The following KCNH5 variants were observed in gnomAD, a reference collection of about 807,000 sequenced individuals.
KCNH5 encodes potassium voltage-gated channel subfamily H member 5.
A neutral mutation model predicts 96.1 loss-of-function variants in KCNH5; 46 were observed. The observed-to-expected ratio is 0.48, with a 90% CI of 0.38 to 0.61. The LOEUF (loss-of-function observed/expected upper bound fraction) is 0.61, where lower values mean the gene tolerates loss of function less well. Ranked by LOEUF, KCNH5 falls within the 20% of genes least tolerant of loss-of-function variation. The pLI is 0.00. For synonymous variants in KCNH5, 439 were observed against 449.8 expected, an observed-to-expected ratio of 0.98 and a Z score of 0.30; for missense variants, 907 against 1,225.8, an observed-to-expected ratio of 0.74 and a Z score of 3.88.
chr14:62,993,128 A>G (rs1267382322), intron 4 of KCNH5, among the ~76,000 whole-genome samples: 2 of 151,930 alleles, frequency 1.3e-5, no homozygotes, highest in African/African-American at 4.8e-5. Context: ...GTCTGTAAAT[A>G]TGTGGCTTTA....
chr14:62,932,044 CA>C (rs971669798), intron 7 of KCNH5, among the ~76,000 whole-genome samples: 7 of 152,028 alleles, frequency 4.6e-5, no homozygotes, highest in African/African-American at 1.7e-4. Flanking sequence ...GAAATGACCC[CA>C]AAATACTGGT....
At chr14:62,793,182 G>C (rs1886469116) in intron 9 of KCNH5, among the ~76,000 whole-genome samples, 1 of 151,730 alleles carries the variant, frequency 6.6e-6, no homozygotes, top group South Asian at 2.1e-4. Flanking sequence ...TGGGTATACA[G>C]TTTCAGTTAT....
At chr14:62,940,779 C>A (rs1002145847) in intron 7 of KCNH5, among the ~76,000 whole-genome samples, 16 of 152,200 alleles carry the variant, frequency 1.1e-4, no homozygotes, top group African/African-American at 3.9e-4. Flanking sequence ...TGGGCTCCCT[C>A]AGGCTGAACT....
chr14:62,960,709 C>T (rs1177903270), intron 6 of KCNH5, among the ~76,000 whole-genome samples: 1 of 152,096 alleles, frequency 6.6e-6, no homozygotes, highest in African/African-American at 2.4e-5. Context: ...GTTATCTGAA[C>T]CTCTAACCCA....
At position 62,869,970 on chromosome 14, in the gene KCNH5, G is replaced by A. The variant is rs117280357; in HGVS notation, c.1370-20118C>T. Among the ~76,000 whole-genome samples the A allele has an allele frequency of 3.4e-4, 51 of 151,822 alleles. 1 individual carries two copies. In the East Asian group the frequency reaches 9.2e-3, roughly 28 times the overall value. On this transcript the variant is annotated intron_variant, in intron 7 of 10. Coordinates refer to ENST00000322893, the MANE Select transcript of KCNH5 (RefSeq NM_139318.5). ...CTCAAGATTAATTGAAGATTTAAAC[G>A]TAATGTCATTACTTTTAATGGCAAA...
intron 7 of KCNH5, among the ~76,000 whole-genome samples, chr14:62,916,161 C>G (rs781368820): frequency 7.2e-5 from 11 of 151,924 alleles, no homozygotes; most frequent in Non-Finnish European, 1.3e-4. Context: ...ACCGTGTTAG[C>G]CAGGATGGGC....
At chr14:62,842,480 A>C (rs1250918797) in intron 8 of KCNH5, among the ~76,000 whole-genome samples, 2 of 152,260 alleles carry the variant, frequency 1.3e-5, no homozygotes, top group African/African-American at 2.4e-5. Flanking sequence ...ACAATAGTTA[A>C]GTTCTCTGAT....
chr14:62,963,100 G>A (rs1271556), intron 6 of KCNH5, among the ~76,000 whole-genome samples: 38,940 of 151,912 alleles, frequency 0.26, 5,297 homozygotes, highest in Non-Finnish European at 0.29. Context: ...TCACATCATC[G>A]TAAGAAAAAG....
chr14:62,895,318 T>A (rs1433549588), intron 7 of KCNH5, among the ~76,000 whole-genome samples: 1 of 151,884 alleles, frequency 6.6e-6, no homozygotes, highest in African/African-American at 2.4e-5. Context: ...CAATAATAAT[T>A]CATTCAGCAT....
chr14:62,963,116 G>A (rs1404475877), intron 6 of KCNH5, among the ~76,000 whole-genome samples: 2 of 152,078 alleles, frequency 1.3e-5, no homozygotes, highest in African/African-American at 4.8e-5. Flanking sequence ...AAAAGGGTGA[G>A]TATAGTAACA....
chr14:62,703,774 T>G lies in KCNH5; in HGVS notation c.*3734A>C, dbSNP rs1199715627. ...ATTTGAAAGTTATCCATGTATGATA[T>G]GCACATTCTAGATAAATGTTCTCAT... On this transcript the variant is annotated 3_prime_UTR_variant, in exon 11 of 11. Coordinates refer to ENST00000322893, the MANE Select transcript of KCNH5 (RefSeq NM_139318.5). The G allele has an allele frequency of 1.3e-5, 2 of 151,950 alleles. No individual in the cohort carries two copies. The highest frequency in any genetic ancestry group is 4.8e-5 in the African/African-American group (2 of 41,444). The allele number at this position is 151,950 out of a possible 1,614,324, so 9.4% of individuals were successfully genotyped here.
At chr14:62,800,902 A>G (rs1886646586) in intron 9 of KCNH5, among the ~76,000 whole-genome samples, 1 of 152,080 alleles carries the variant, frequency 6.6e-6, no homozygotes, top group South Asian at 2.1e-4. Flanking sequence ...ACATACCCAG[A>G]ATGTTGACTC....
intron 7 of KCNH5, among the ~76,000 whole-genome samples, chr14:62,887,436 T>C (rs1009021662): frequency 1.3e-5 from 2 of 152,044 alleles, no homozygotes; most frequent in African/African-American, 4.8e-5. Flanking sequence ...TTTCCAGAAG[T>C]ATAAGAAAAA....
intron 1 of KCNH5, among the ~76,000 whole-genome samples, chr14:63,032,953 G>A (rs1164623620): frequency 6.6e-6 from 1 of 151,984 alleles, no homozygotes; most frequent in Non-Finnish European, 1.5e-5. Flanking sequence ...AAATGCTTGG[G>A]CCAAAACCTT....
intron 8 of KCNH5, among the ~76,000 whole-genome samples, chr14:62,833,424 C>A (rs1383714283): frequency 6.6e-6 from 1 of 151,974 alleles, no homozygotes; most frequent in Non-Finnish European, 1.5e-5. Context: ...ACTACTGAAG[C>A]TTTTGTCAAC....
At chr14:63,019,138 T>C (rs1439368781) in intron 1 of KCNH5, among the ~76,000 whole-genome samples, 1 of 151,732 alleles carries the variant, frequency 6.6e-6, no homozygotes, top group African/African-American at 2.4e-5. Context: ...TATTGGACGA[T>C]ATGATAGCTA....
chr14:62,700,756 T>C lies in KCNH5; in HGVS notation c.*6752A>G, dbSNP rs1455154857. ...TATTCTTCCTGTTTGCAGTCTTGGC[T>C]TCATCAGGAATCTTTCCCGCTATAA... On this transcript the variant is annotated 3_prime_UTR_variant, in exon 11 of 11. Transcript: ENST00000322893. The C allele has an allele frequency of 6.6e-6, 1 of 152,158 alleles. No individual in the cohort carries two copies. The highest frequency in any genetic ancestry group is 2.4e-5 in the African/African-American group (1 of 41,458). 9.4% of individuals were successfully genotyped at this position (152,158 alleles called of 1,614,324 possible).
At chr14:62,789,726 T>C (rs973384639) in intron 9 of KCNH5, among the ~76,000 whole-genome samples, 15 of 151,978 alleles carry the variant, frequency 9.9e-5, no homozygotes, top group Admixed American at 2.6e-4. Flanking sequence ...TTTTATGTTT[T>C]ATTTGGAGAA....
At chr14:62,709,344 G>T (rs1272608396) in intron 10 of KCNH5, among the ~76,000 whole-genome samples, 1 of 151,936 alleles carries the variant, frequency 6.6e-6, no homozygotes, top group Non-Finnish European at 1.5e-5. Context: ...ATGGCATCTG[G>T]GTTGGGTGAG....
Sources: gnomAD v4.1 joint callset for allele counts (sites outside exome capture counted in the v4.1 genomes callset) on GRCh38, gnomAD v4.1.1 for gene constraint, MANE v1.5 for transcripts, NCBI Gene and HGNC (gene_info 2026-07-23, HGNC 2026-07-21) for gene names.